MB21D2: variants seen among roughly 807,000 people sequenced by gnomAD.
MB21D2 encodes the protein Mab-21 domain containing 2.
In MB21D2, 9 loss-of-function variants were observed where a neutral mutation model predicts 33.3. That is an observed-to-expected ratio of 0.27 (90% CI 0.16 to 0.47). MB21D2 has a LOEUF of 0.47. MB21D2 is among the 20% of genes least tolerant of loss of function. The pLI, the probability that MB21D2 is intolerant of heterozygous loss-of-function variation, is 0.99. For synonymous variants in MB21D2, 241 were observed against 236.3 expected, an observed-to-expected ratio of 1.02 and a Z score of -0.18; for missense variants, 540 against 624.6, an observed-to-expected ratio of 0.86 and a Z score of 1.44.
chr3:192,801,021 G>C (rs1711552661), intron 1 of MB21D2, among the ~76,000 whole-genome samples: 1 of 152,194 alleles, frequency 6.6e-6, no homozygotes, highest in African/African-American at 2.4e-5. Flanking sequence ...GATTTTTTAA[G>C]AGATTGTGGG....
intron 1 of MB21D2, among the ~76,000 whole-genome samples, chr3:192,853,670 GACTT>G (rs1435202035): frequency 6.6e-6 from 1 of 151,606 alleles, no homozygotes; most frequent in Non-Finnish European, 1.5e-5. Context: ...ATTCTCAAAA[GACTT>G]ACAAGTACAG....
At chr3:192,862,498 C>T (rs1409187781) in intron 1 of MB21D2, among the ~76,000 whole-genome samples, 1 of 152,190 alleles carries the variant, frequency 6.6e-6, no homozygotes, top group Non-Finnish European at 1.5e-5. Context: ...GGTGCTGAAA[C>T]AGAGGCTGGG....
chr3:192,840,622 G>C lies in MB21D2; in HGVS notation c.212-40972C>G, dbSNP rs118051341. On this transcript the variant is annotated intron_variant, in intron 1 of 1. Transcript: ENST00000392452. ...GCTATGGTAGAAAGTTTCTCGTGGT[G>C]GGAGGTGACCAGCTGAATCTCCCCA... is the stretch of plus-strand genomic sequence containing the variant. Among the ~76,000 whole-genome samples, 166 of 151,888 alleles carry C rather than the reference G, an allele frequency of 1.1e-3. 1 individual carries two copies. The East Asian group carries it at 0.022, about 20-fold the overall frequency.
intron 1 of MB21D2, 40 bp downstream of exon 1, chr3:192,917,590 C>T: frequency 6.2e-7 from 1 of 1,600,770 alleles, no homozygotes; most frequent in Non-Finnish European, 8.5e-7. Flanking sequence ...TCCCATCACA[C>T]ACACACACGC....
At chr3:192,837,417 C>T (rs1023014887) in intron 1 of MB21D2, among the ~76,000 whole-genome samples, 1 of 152,310 alleles carries the variant, frequency 6.6e-6, no homozygotes, top group South Asian at 2.1e-4. Context: ...TCCTCCACCC[C>T]TGTCCCACCT....
rs114630311 is a variant in MB21D2, at chr3:192,875,534, G to A, written c.211+42096C>T. On this transcript the variant is annotated intron_variant, in intron 1 of 1. Coordinates refer to ENST00000392452, the MANE Select transcript of MB21D2 (RefSeq NM_178496.4). ...TTAATTTTAATTTTTCATTAAATTC[G>A]CTATGTTTATACAGCAATAATAATT... Among the ~76,000 whole-genome samples the A allele has an allele frequency of 3.1e-3, 468 of 152,190 alleles. 2 individuals are homozygous for A. The highest frequency in any genetic ancestry group is 0.011 in the African/African-American group (454 of 41,528).
chr3:192,868,245 A>G (rs1713211735), intron 1 of MB21D2, among the ~76,000 whole-genome samples: 1 of 152,190 alleles, frequency 6.6e-6, no homozygotes, highest in Non-Finnish European at 1.5e-5. Context: ...CATATCCAAA[A>G]GATAGAAGGG....
At chr3:192,880,149 C>A (rs566420752) in intron 1 of MB21D2, among the ~76,000 whole-genome samples, 2 of 152,184 alleles carry the variant, frequency 1.3e-5, no homozygotes, top group East Asian at 3.9e-4. Context: ...TTGAGACCAC[C>A]CTGACCAACA....
chr3:192,855,932 G>C (rs1490812537), intron 1 of MB21D2, among the ~76,000 whole-genome samples: 1 of 152,084 alleles, frequency 6.6e-6, no homozygotes, highest in African/African-American at 2.4e-5. Context: ...AATTAGCCGA[G>C]AGGTAATTCC....
chr3:192,843,698 C>T (rs555081739), intron 1 of MB21D2, among the ~76,000 whole-genome samples: 2 of 152,250 alleles, frequency 1.3e-5, no homozygotes, highest in East Asian at 3.9e-4. Context: ...AACCTATATT[C>T]ACTTTCTGGC....
At chr3:192,903,440 G>T (rs1714144316) in intron 1 of MB21D2, among the ~76,000 whole-genome samples, 1 of 152,014 alleles carries the variant, frequency 6.6e-6, no homozygotes, top group Admixed American at 6.6e-5. Flanking sequence ...TACTTTGCAT[G>T]GTAAGAGGTT....
At chr3:192,828,593 T>A (rs34857204) in intron 1 of MB21D2, among the ~76,000 whole-genome samples, 4 of 13,680 alleles carry the variant, frequency 2.9e-4, no homozygotes, top group Non-Finnish European at 9.4e-4. Flanking sequence ...ACCCCCCCCA[T>A]ATATATATAT....
In MB21D2 at chr3:192,799,080, T is replaced by C. The variant is rs1720587303; in HGVS notation, c.782A>G (p.Lys261Arg). Residue 261 changes from lysine to arginine, a missense_variant, in exon 2 of 2, where the codon AAG (lysine) becomes AGG (arginine). Transcript: ENST00000392452. This position sits in a 1 kb window ranked among gnomAD's most constrained non-coding sequence, Gnocchi z 4.1. ...ACTGATGACCTCTTCCTCAGTAATC[T>C]TCCCATCCCAAAAGTGGTTCTCCAT... ...WLMENHFWDG[K>R]ITEEEVISGF... 1 of 1,613,970 alleles carries C rather than the reference T, an allele frequency of 6.2e-7. No individual in the cohort carries two copies. The highest frequency in any genetic ancestry group is 1.7e-5 in the Admixed American group (1 of 60,002).
intron 1 of MB21D2, among the ~76,000 whole-genome samples, chr3:192,867,287 T>G (rs1283171302): frequency 1.3e-5 from 2 of 152,088 alleles, no homozygotes; most frequent in African/African-American, 2.4e-5. Flanking sequence ...AAACAGGCTC[T>G]CTCTCTCTCT....
chr3:192,858,769 T>C (rs919942061), intron 1 of MB21D2, among the ~76,000 whole-genome samples: 1 of 152,176 alleles, frequency 6.6e-6, no homozygotes, highest in African/African-American at 2.4e-5. Flanking sequence ...TTGGAGAGGA[T>C]ATCCTCCCAG....
chr3:192,895,086 AG>A (rs1283433524), intron 1 of MB21D2, among the ~76,000 whole-genome samples: 11 of 145,870 alleles, frequency 7.5e-5, no homozygotes, highest in East Asian at 2.2e-4. Flanking sequence ...GTTGGGGGGG[AG>A]GGGGCCAAGG....
rs781296029 is a variant in MB21D2 at position 192,798,956 on chromosome 3, G to A, written c.906C>T (p.Ile302=). ...ARSEVQLKKC[I]SSSLMQAYQA... is the part of the protein sequence containing the mutation. ...GATAGGCCTGCATGAGGCTGCTGGA[G>A]ATGCACTTCTTCAACTGCACCTCGC... The change falls in exon 2 of 2, where the codon ATC becomes ATT. Residue 302 remains isoleucine (I), a synonymous_variant. Coordinates refer to ENST00000392452, the MANE Select transcript of MB21D2 (RefSeq NM_178496.4). This position sits in a 1 kb window ranked among gnomAD's most constrained non-coding sequence, Gnocchi z 4.8. 4.3e-6 allele frequency: 7 copies of A among 1,614,040 alleles called. No individual in the cohort carries two copies. In the East Asian group the frequency reaches 8.9e-5, roughly 21 times the overall value.
At chr3:192,856,075 T>G (rs1308486884) in intron 1 of MB21D2, among the ~76,000 whole-genome samples, 1 of 151,960 alleles carries the variant, frequency 6.6e-6, no homozygotes, top group Non-Finnish European at 1.5e-5. Context: ...AATAAAAACT[T>G]AATAAGAAAA....
chr3:192,905,551 C>T (rs997066717), intron 1 of MB21D2, among the ~76,000 whole-genome samples: 4 of 148,992 alleles, frequency 2.7e-5, no homozygotes, highest in East Asian at 2.0e-4. Context: ...GCAGGAGAAT[C>T]GCTTGAACCC....
Sources: allele counts gnomAD v4.1 joint callset (sites outside exome capture counted in the v4.1 genomes callset), GRCh38; gene constraint gnomAD v4.1.1; non-coding constraint Gnocchi (gnomAD v3.1); transcripts MANE v1.5; gene names NCBI Gene and HGNC (gene_info 2026-07-23, HGNC 2026-07-21).